Variants in TBC1D19 observed in about 807,000 individuals in gnomAD.
The protein encoded by TBC1D19 is TBC1 domain family, member 19.
A neutral mutation model predicts 89.0 loss-of-function variants in TBC1D19; 60 were observed. The ratio of observed to expected loss-of-function variants is 0.67; its 90% CI spans 0.55 to 0.84. The LOEUF is 0.84. TBC1D19 is among the 40% of genes least tolerant of loss of function. The probability of loss-of-function intolerance (pLI) is 0.00; values close to 1 mark genes in which losing one functional copy is unlikely to be tolerated. For synonymous variants in TBC1D19, 189 were observed against 199.7 expected (o/e 0.95, Z 0.45); for missense variants, 500 against 610.8 (o/e 0.82, Z 1.91).
At chr4:26,721,846 C>G (rs1716999751) in intron 15 of TBC1D19, among the ~76,000 whole-genome samples, 1 of 152,158 alleles carries the variant, frequency 6.6e-6, no homozygotes, top group Non-Finnish European at 1.5e-5. Context: ...TGCTTCCTGT[C>G]TCATCACTTC....
intron 13 of TBC1D19, among the ~76,000 whole-genome samples, chr4:26,715,650 G>T (rs754917008): frequency 6.6e-6 from 1 of 152,024 alleles, no homozygotes; most frequent in Non-Finnish European, 1.5e-5. Flanking sequence ...CTGGGGACAA[G>T]CATTTCAGAC....
intron 8 of TBC1D19, among the ~76,000 whole-genome samples, chr4:26,662,121 T>A (rs954061154): frequency 6.6e-6 from 1 of 152,312 alleles, no homozygotes; most frequent in Admixed American, 6.5e-5. Flanking sequence ...TTTTTTTTTG[T>A]GATTCAGTAC....
chr4:26,833,756 C>G, the TBC1D19 span, among the ~76,000 whole-genome samples: 1 of 152,192 alleles, frequency 6.6e-6, no homozygotes, highest in East Asian at 1.9e-4. Flanking sequence ...CAGGGAGTTC[C>G]CAAAGCCCCA....
downstream of TBC1D19, among the ~76,000 whole-genome samples, chr4:26,757,413 C>G (rs10428308): frequency 0.043 from 6,542 of 152,198 alleles, 487 homozygotes; most frequent in African/African-American, 0.15. Context: ...CCTGACACCC[C>G]CTTCACATCT....
At chr4:26,665,621 T>C (rs1560458312) in intron 8 of TBC1D19, among the ~76,000 whole-genome samples, 1 of 152,080 alleles carries the variant, frequency 6.6e-6, no homozygotes, top group African/African-American at 2.4e-5. Context: ...TAAAAATTAA[T>C]TTAAGTTGTT....
downstream of TBC1D19, among the ~76,000 whole-genome samples, chr4:26,760,318 T>G (rs1719413415): frequency 6.6e-6 from 1 of 152,164 alleles, no homozygotes; most frequent in Admixed American, 6.5e-5. Context: ...ATCCCAGCAC[T>G]TTGGGAGGCC....
intron 15 of TBC1D19, among the ~76,000 whole-genome samples, chr4:26,727,097 C>A (rs7672066): frequency 0.85 from 129,959 of 152,116 alleles, 59,047 homozygotes; most frequent in Non-Finnish European, 1. Flanking sequence ...CTGAGGCCAG[C>A]TATGAGATGT....
the TBC1D19 span, among the ~76,000 whole-genome samples, chr4:26,767,988 G>A: frequency 6.6e-6 from 1 of 152,112 alleles, no homozygotes; most frequent in Non-Finnish European, 1.5e-5. Flanking sequence ...ATGGGATTAG[G>A]AGTTCCAGGA....
the TBC1D19 span, among the ~76,000 whole-genome samples, chr4:26,810,081 C>A: frequency 7.9e-3 from 1,199 of 152,300 alleles, 17 homozygotes; most frequent in African/African-American, 0.028. Context: ...ATGGGGAATA[C>A]ATGCCCCTGA....
intron 18 of TBC1D19, among the ~76,000 whole-genome samples, chr4:26,744,667 T>C (rs1447434073): frequency 6.6e-6 from 1 of 152,144 alleles, no homozygotes; most frequent in Non-Finnish European, 1.5e-5. Flanking sequence ...GTTTAATTTC[T>C]AAATATTTGG....
chr4:26,746,613 C>T (rs1185501944), intron 18 of TBC1D19, among the ~76,000 whole-genome samples: 7 of 152,080 alleles, frequency 4.6e-5, no homozygotes, highest in Non-Finnish European at 8.8e-5. Context: ...ACTGTAGTTT[C>T]CCCTTATCTG....
At chr4:26,688,810 A>C (rs1354498809) in intron 13 of TBC1D19, among the ~76,000 whole-genome samples, 7 of 152,116 alleles carry the variant, frequency 4.6e-5, no homozygotes, top group Admixed American at 4.6e-4. Flanking sequence ...GAGTGTCGTG[A>C]TTATCCTTTG....
the TBC1D19 span, among the ~76,000 whole-genome samples, chr4:26,808,255 A>G: frequency 6.6e-6 from 1 of 152,324 alleles, no homozygotes; most frequent in Admixed American, 6.5e-5. Flanking sequence ...GATACTATCC[A>G]TCTGCAAAGT....
intron 1 of TBC1D19, among the ~76,000 whole-genome samples, chr4:26,577,315 C>CTG (rs377519156): frequency 2.8e-4 from 42 of 150,778 alleles, no homozygotes; most frequent in Admixed American, 7.9e-4. Context: ...GTGTGTGTGT[C>CTG]TGTGTGTGTG....
intron 13 of TBC1D19, among the ~76,000 whole-genome samples, chr4:26,704,679 A>G (rs545660965): frequency 1.3e-5 from 2 of 152,310 alleles, no homozygotes; most frequent in African/African-American, 2.4e-5. Flanking sequence ...ATTCATAGTT[A>G]TAATTTGATA....
chr4:26,814,444 A>T, the TBC1D19 span, among the ~76,000 whole-genome samples: 1 of 152,162 alleles, frequency 6.6e-6, no homozygotes, highest in African/African-American at 2.4e-5. Flanking sequence ...TGCTTTATTT[A>T]AAGGTAAGTA....
At chr4:26,625,609 G>A (rs1742342348) in intron 4 of TBC1D19, among the ~76,000 whole-genome samples, 1 of 152,024 alleles carries the variant, frequency 6.6e-6, no homozygotes, top group Non-Finnish European at 1.5e-5. Flanking sequence ...CATTACATTT[G>A]GTTGTCATGT....
At chr4:26,822,251 T>C in the TBC1D19 span, among the ~76,000 whole-genome samples, 11 of 152,240 alleles carry the variant, frequency 7.2e-5, no homozygotes, top group Non-Finnish European at 1.6e-4. Flanking sequence ...CTTCTGGAGA[T>C]GAAAAGAAAA....
intron 12 of TBC1D19, among the ~76,000 whole-genome samples, chr4:26,685,497 A>T (rs1713732646): frequency 6.6e-6 from 1 of 152,230 alleles, no homozygotes; most frequent in Non-Finnish European, 1.5e-5. Context: ...CAACATAGTG[A>T]CACATGTGTG....
Sources: allele counts gnomAD v4.1 joint callset (sites outside exome capture counted in the v4.1 genomes callset), GRCh38; gene constraint gnomAD v4.1.1; transcripts MANE v1.5; gene names NCBI Gene and HGNC (gene_info 2026-07-23, HGNC 2026-07-21).